The following MRGPRX3 variants were observed in gnomAD, a reference collection of about 807,000 sequenced individuals.
The protein encoded by MRGPRX3 is mas-related G protein-coupled receptor member X3.
A neutral mutation model predicts 16.5 loss-of-function variants in MRGPRX3; 14 were observed. The observed-to-expected ratio is 0.85, with a 90% CI of 0.56 to 1.33. The LOEUF (loss-of-function observed/expected upper bound fraction) is 1.33, where lower values mean the gene tolerates loss of function less well. Ranked by LOEUF, MRGPRX3 falls within the 40% of genes most tolerant of loss-of-function variation. MRGPRX3 has a pLI of 0.00. For missense variants in MRGPRX3, 449 were observed against 413.0 expected, an observed-to-expected ratio of 1.09 and a Z score of -0.76; for synonymous variants, 199 against 180.1, an observed-to-expected ratio of 1.10 and a Z score of -0.84.
rs774840846 is a variant in MRGPRX3, at chr11:18,137,193, G to C, written c.-10G>C. ...CTGTTTCCAGGGTCATCAGACTGGG[G>C]TTTCTGAGCATGGATTCAACCATCC... On this transcript the variant is annotated 5_prime_UTR_variant, in exon 2 of 2. Coordinates refer to ENST00000621697, the MANE Select transcript of MRGPRX3 (RefSeq NM_001370464.1). 2 of 1,572,906 alleles carry C rather than the reference G, an allele frequency of 1.3e-6. No individual in the cohort carries two copies. The highest frequency in any genetic ancestry group is 2.7e-5 in the African/African-American group (2 of 73,974).
At chr11:18,131,772 T>C (rs1275560657), upstream of MRGPRX3, among the ~76,000 whole-genome samples, 2 of 152,104 alleles carry the variant, frequency 1.3e-5, no homozygotes, top group Non-Finnish European at 2.9e-5. Flanking sequence ...CTAGATGGAA[T>C]TGGAGACCCT....
At chr11:18,130,954 A>G (rs1848955766), upstream of MRGPRX3, among the ~76,000 whole-genome samples, 1 of 152,204 alleles carries the variant, frequency 6.6e-6, no homozygotes, top group Non-Finnish European at 1.5e-5. Context: ...TAGTTAACAA[A>G]TGGTGCTGAG....
chr11:18,125,354 C>CT (rs1487887089), intron 1 of MRGPRX3, among the ~76,000 whole-genome samples: 1 of 152,038 alleles, frequency 6.6e-6, no homozygotes, highest in Non-Finnish European at 1.5e-5. Flanking sequence ...CTACACACTG[C>CT]TTTGGGTGTG....
intron 1 of MRGPRX3, among the ~76,000 whole-genome samples, chr11:18,124,424 T>C (rs1848870122): frequency 6.6e-6 from 1 of 152,246 alleles, no homozygotes; most frequent in Non-Finnish European, 1.5e-5. Flanking sequence ...TCAAAGGCCT[T>C]TTCTGCATCT....
At chr11:18,129,687 C>G (rs1848940838), upstream of MRGPRX3, among the ~76,000 whole-genome samples, 1 of 152,070 alleles carries the variant, frequency 6.6e-6, no homozygotes, top group African/African-American at 2.4e-5. Context: ...TTGTATGAAG[C>G]CAATGTCACT....
upstream of MRGPRX3, among the ~76,000 whole-genome samples, chr11:18,129,541 T>A (rs536857400): frequency 2.4e-4 from 36 of 151,250 alleles, no homozygotes; most frequent in East Asian, 3.3e-3. Flanking sequence ...TGAAATAAAA[T>A]TTTTTTTTAA....
At chr11:18,121,998 A>G (rs1848843950) in intron 1 of MRGPRX3, among the ~76,000 whole-genome samples, 1 of 144,674 alleles carries the variant, frequency 6.9e-6, no homozygotes, top group Non-Finnish European at 1.5e-5. Context: ...ATGATCAATA[A>G]AAATAAAATT....
chr11:18,126,478 G>A (rs531938082), intron 1 of MRGPRX3, among the ~76,000 whole-genome samples: 3 of 151,934 alleles, frequency 2.0e-5, no homozygotes, highest in Admixed American at 1.3e-4. Context: ...TATGAAATTC[G>A]GGGTTGAAAA....
chr11:18,121,102 T>TGCCCCGCC (rs1276357560), exon 1 of MRGPRX3: 1 of 145,704 alleles, frequency 6.9e-6, no homozygotes, highest in African/African-American at 2.7e-5. Flanking sequence ...GGAGTGCCTT[T>TGCCCCGCC]GCCCCGCCGC....
At chr11:18,136,887 G>T (rs1313749020) in intron 1 of MRGPRX3, among the ~76,000 whole-genome samples, 9 of 152,204 alleles carry the variant, frequency 5.9e-5, no homozygotes, top group Non-Finnish European at 1.0e-4. Context: ...CCAGGATAGA[G>T]TAATCATCGG....
upstream of MRGPRX3, among the ~76,000 whole-genome samples, chr11:18,129,131 G>A (rs1483575674): frequency 2.0e-5 from 3 of 152,098 alleles, no homozygotes; most frequent in African/African-American, 4.8e-5. Context: ...ACATCTCAAG[G>A]AACTAGAGAA....
At chr11:18,133,409 C>T (rs190196029) in intron 1 of MRGPRX3, among the ~76,000 whole-genome samples, 79 of 152,296 alleles carry the variant, frequency 5.2e-4, no homozygotes, top group African/African-American at 1.7e-3. Flanking sequence ...ATCTGTGTTC[C>T]CACCAAAATC....
At chr11:18,122,237 T>C (rs1358416044) in intron 1 of MRGPRX3, among the ~76,000 whole-genome samples, 1 of 152,128 alleles carries the variant, frequency 6.6e-6, no homozygotes, top group Non-Finnish European at 1.5e-5. Flanking sequence ...AGTTCTAGGG[T>C]ACATGTGCAC....
At position 18,137,513 on chromosome 11, in the gene MRGPRX3, T is replaced by C. The variant is rs781183175; in HGVS notation, c.311T>C (p.Phe104Ser). Residue 104 changes from phenylalanine to serine, a missense_variant, in exon 2 of 2, where the codon TTT becomes TCT. Coordinates refer to ENST00000621697, the MANE Select transcript of MRGPRX3 (RefSeq NM_001370464.1). The part of the protein sequence containing the change: ...ISKILSPVMT[F>S]PYFIGLSMLS... ...AAAATCCTCAGTCCTGTGATGACCT[T>C]TCCCTACTTTATAGGCCTAAGCATG... 3.7e-6 allele frequency: 6 copies of C among 1,614,186 alleles called. No individual in the cohort carries two copies. The South Asian group carries it at 6.6e-5, about 18-fold the overall frequency.
rs947674044 is a variant in MRGPRX3, at chr11:18,137,306, G to A, written c.104G>A (p.Cys35Tyr). Residue 35 changes from cysteine to tyrosine, a missense_variant, in exon 2 of 2, where the codon TGC becomes TAC. Cys to Tyr is a radical substitution (Grantham distance 194). Coordinates refer to ENST00000621697, the MANE Select transcript of MRGPRX3 (RefSeq NM_001370464.1). ...KQTLSFTGLT[C>Y]IVSLVALTGN... Reference sequence around the variant, plus strand: ...ACCCTGAGCTTCACGGGGCTGACGTGCATCGTTTCCCTTGTCGCGCTGACA... The same window carrying A: ...ACCCTGAGCTTCACGGGGCTGACGTACATCGTTTCCCTTGTCGCGCTGACA... 3 of 1,614,088 alleles carry A rather than the reference G, an allele frequency of 1.9e-6. No individual in the cohort carries two copies. Among genetic ancestry groups the A allele is most frequent in the Non-Finnish European group, 1.7e-6 (2 of 1,180,052 alleles).
At chr11:18,137,036 C>A in intron 1 of MRGPRX3, 142 bp from the exon 2 acceptor site, 3 of 862,488 alleles carry the variant, frequency 3.5e-6, no homozygotes, top group South Asian at 4.0e-5. Flanking sequence ...ATTTGAGGAC[C>A]CCCACCTTTT....
intron 1 of MRGPRX3, among the ~76,000 whole-genome samples, chr11:18,122,317 A>C (rs765367910): frequency 6.6e-6 from 1 of 152,114 alleles, no homozygotes; most frequent in Non-Finnish European, 1.5e-5. Context: ...CTTGTCATTT[A>C]CATTAGGTAT....
upstream of MRGPRX3, among the ~76,000 whole-genome samples, chr11:18,131,615 A>G (rs915026858): frequency 6.6e-6 from 1 of 152,176 alleles, no homozygotes; most frequent in Non-Finnish European, 1.5e-5. Context: ...CACTATGGAA[A>G]ACAGTGTGGA....
At chr11:18,121,386 C>T (rs901334911) in intron 1 of MRGPRX3, among the ~76,000 whole-genome samples, 1 of 151,598 alleles carries the variant, frequency 6.6e-6, no homozygotes, top group African/African-American at 2.4e-5. Flanking sequence ...GCGCCACTGC[C>T]CAGCTGCCCC....
Sources: gnomAD v4.1 joint callset for allele counts (sites outside exome capture counted in the v4.1 genomes callset) on GRCh38, gnomAD v4.1.1 for gene constraint, MANE v1.5 for transcripts, NCBI Gene and HGNC (gene_info 2026-07-23, HGNC 2026-07-21) for gene names.